The following NSD2 variants were observed in gnomAD, a reference collection of about 807,000 sequenced individuals.
The protein encoded by NSD2 is nuclear receptor binding SET domain protein 2.
NSD2 carries 12 observed loss-of-function variants against 139.0 expected under a neutral mutation model. The ratio of observed to expected loss-of-function variants is 0.09; its 90% confidence interval spans 0.06 to 0.14. The LOEUF (loss-of-function observed/expected upper bound fraction) is 0.14, where lower values mean the gene tolerates loss of function less well. Among genes scored for constraint, NSD2 ranks in the 10% least tolerant of loss-of-function variants. The pLI is 1.00. For synonymous variants in NSD2, 669 were observed against 648.7 expected (o/e 1.03, Z -0.48); for missense variants, 1,155 against 1,745.0 (o/e 0.66, Z 6.02).
intron 3 of NSD2, among the ~76,000 whole-genome samples, chr4:1,912,657 C>T (rs1025962711): frequency 1.3e-5 from 2 of 151,728 alleles, no homozygotes; most frequent in African/African-American, 2.4e-5. Flanking sequence ...GTTTGAGTCC[C>T]ATCTTCCCTT....
Position 1,974,902 on chromosome 4 carries a change from C to A in NSD2, c.3412C>A (p.Arg1138=), listed in dbSNP as rs1726909627. ...CGCTGGCCCCAAAGGAAACTACTCT[C>A]GATTTATGAATCACAGCTGCCAGCC... ...IDAGPKGNYS[R]FMNHSCQPNC... The change falls in exon 19 of 22, where the codon CGA becomes AGA. Residue 1138 remains arginine (R), a synonymous_variant. Transcript: ENST00000508803. The surrounding 1 kb of genome is among the most constrained non-coding windows in gnomAD (Gnocchi z 4.0). The A allele has an allele frequency of 1.2e-6, 2 of 1,614,126 alleles. No individual in the cohort carries two copies. Among genetic ancestry groups the A allele is most frequent in the African/African-American group, 1.3e-5 (1 of 74,928 alleles).
chr4:1,957,836 A>T (rs935018936), intron 15 of NSD2, 97 bp from the exon 16 acceptor site: 42 of 1,145,986 alleles, frequency 3.7e-5, no homozygotes, highest in Non-Finnish European at 5.0e-6. Context: ...ACTATACTTA[A>T]CATTGAAAGT....
rs1464455550 is a variant in NSD2, at chr4:1,958,773, C to T, written c.2986-698C>T. On this transcript the variant is annotated intron_variant, in intron 16 of 21. Transcript: ENST00000508803. This position sits in a 1 kb window ranked among gnomAD's most constrained non-coding sequence, Gnocchi z 4.6. ...ATTCCCAGAAACAGAATCACAGGGT[C>T]AGAGAGTATGAAATGTTTAGATTCT... 6.6e-6 allele frequency among the ~76,000 whole-genome samples: 1 copy of T among 152,224 alleles called. No homozygotes were observed. The highest frequency in any genetic ancestry group is 1.5e-5 in the Non-Finnish European group (1 of 68,050).
At chr4:1,949,766 GAAA>G (rs74623987) in intron 9 of NSD2, among the ~76,000 whole-genome samples, 5 of 105,820 alleles carry the variant, frequency 4.7e-5, no homozygotes, top group East Asian at 2.9e-4. Context: ...TCTGTCTCGA[GAAA>G]AAAAAAAAAA....
rs1469745758 is a variant in NSD2, at chr4:1,942,002, C to A, written c.1881+2224C>A. The A allele has an allele frequency of 8.9e-7, 1 of 1,129,410 alleles. No individual in the cohort carries two copies. Among genetic ancestry groups the A allele is most frequent in the Non-Finnish European group, 1.1e-6 (1 of 917,512 alleles). 70.0% of individuals were successfully genotyped at this position (1,129,410 alleles called of 1,614,324 possible). ...TGTTTGAGGTCCACACTGACACACA[C>A]CCATTGGGTCACACCCCCTTTGCAT... is the stretch of plus-strand genomic sequence containing the variant. On this transcript the variant is annotated intron_variant, in intron 9 of 21. Transcript: ENST00000508803. The surrounding 1 kb of genome is among the most constrained non-coding windows in gnomAD (Gnocchi z 4.0).
intron 5 of NSD2, chr4:1,919,327 A>C (rs1162273304): frequency 6.6e-6 from 1 of 152,224 alleles, no homozygotes; most frequent in Non-Finnish European, 1.5e-5. Flanking sequence ...GCTCATCTGT[A>C]AAGCTCATTG....
At chr4:1,878,037 T>C (rs1456331896) in intron 1 of NSD2, among the ~76,000 whole-genome samples, 1 of 151,018 alleles carries the variant, frequency 6.6e-6, no homozygotes, top group Non-Finnish European at 1.5e-5. Context: ...AAAAGAAAAA[T>C]AAAATTTAAA....
chr4:1,903,806 C>T (rs571490270), intron 2 of NSD2, among the ~76,000 whole-genome samples: 1 of 149,354 alleles, frequency 6.7e-6, no homozygotes, highest in South Asian at 2.1e-4. Context: ...GTGATCTCGG[C>T]TCACTGCAAG....
chr4:1,900,398 C>T (rs1417143000), intron 1 of NSD2, among the ~76,000 whole-genome samples: 6 of 152,086 alleles, frequency 3.9e-5, no homozygotes, highest in Non-Finnish European at 7.4e-5. Context: ...CTTTCATGTT[C>T]TTCCTTTAAA....
At position 1,951,443 on chromosome 4, in the gene NSD2, T is replaced by TCC. The variant is rs1310266241; in HGVS notation, c.2013+240_2013+241insCC. On this transcript the variant is annotated intron_variant, in intron 10 of 21. Coordinates refer to ENST00000508803, the MANE Select transcript of NSD2 (RefSeq NM_001042424.3). ...TGAGATTTGTATACACATCATGTAA[T>TCC]ACACACACACACACACACACACACA... 7.2e-3 allele frequency among the ~76,000 whole-genome samples: 725 copies of TCC among 101,076 alleles called. 187 individuals are homozygous for TCC. The highest frequency in any genetic ancestry group is 0.019 in the East Asian group (56 of 2,952). 66.3% of individuals were successfully genotyped at this position (101,076 alleles called of 152,430 possible).
At chr4:1,903,039 G>C (rs1448417736) in intron 2 of NSD2, among the ~76,000 whole-genome samples, 1 of 152,126 alleles carries the variant, frequency 6.6e-6, no homozygotes, top group Non-Finnish European at 1.5e-5. Flanking sequence ...GGGCGTGGTG[G>C]CACTGCCTGT....
intron 2 of NSD2, among the ~76,000 whole-genome samples, chr4:1,902,694 G>C (rs1046198315): frequency 6.6e-6 from 1 of 152,166 alleles, no homozygotes; most frequent in African/African-American, 2.4e-5. Context: ...CTGCATCAGA[G>C]CTGGCTTTTT....
In NSD2 at chr4:1,951,769, G is replaced by A. The variant is rs552726872; in HGVS notation, c.2014-339G>A. On this transcript the variant is annotated intron_variant, in intron 10 of 21. Transcript: ENST00000508803. ...AGTGTGAATACTGCCTGCCGTCAGCGTGGCACCTGCCATCTGGATTAGGGT... is the reference window on the plus strand; with the variant it reads ...AGTGTGAATACTGCCTGCCGTCAGCATGGCACCTGCCATCTGGATTAGGGT... Among the ~76,000 whole-genome samples, 301 of 152,338 alleles carry A rather than the reference G, an allele frequency of 2.0e-3. 1 individual carries two copies. The highest frequency in any genetic ancestry group is 3.5e-3 in the Admixed American group (53 of 15,304).
At chr4:1,975,102 G>A in intron 19 of NSD2, 98 bp downstream of exon 19, 1 of 1,571,652 alleles carries the variant, frequency 6.4e-7, no homozygotes, top group East Asian at 2.2e-5. Flanking sequence ...GGCTCTGGGG[G>A]AGGTGGGTGC....
At position 1,976,663 on chromosome 4, in the gene NSD2, T is replaced by C; in HGVS notation, c.3810T>C (p.Leu1270=). ...CCTACCACCTGTCCTGCCTGGGCCTTGGCAAGCGGCCCTTCGGTGGGTGTG... is the reference window on the plus strand; with the variant it reads ...CCTACCACCTGTCCTGCCTGGGCCTCGGCAAGCGGCCCTTCGGTGGGTGTG... ...TKAYHLSCLG[L]GKRPFGKWEC... Residue 1270 remains leucine, a synonymous_variant, in exon 21 of 22, where the codon CTT becomes CTC. Coordinates refer to ENST00000508803, the MANE Select transcript of NSD2 (RefSeq NM_001042424.3). The surrounding 1 kb of genome is among the most constrained non-coding windows in gnomAD (Gnocchi z 5.3). 6.3e-7 allele frequency: 1 copy of C among 1,588,980 alleles called. No individual in the cohort carries two copies. The highest frequency in any genetic ancestry group is 1.3e-5 in the African/African-American group (1 of 74,670).
intron 16 of NSD2, among the ~76,000 whole-genome samples, chr4:1,959,250 G>T (rs1388770187): frequency 6.6e-6 from 1 of 152,152 alleles, no homozygotes; most frequent in Non-Finnish European, 1.5e-5. Flanking sequence ...AATAATGTGA[G>T]GGGGCGTTGT....
chr4:1,904,130 A>G, intron 2 of NSD2, 86 bp from the exon 3 acceptor site: 2 of 1,458,072 alleles, frequency 1.4e-6, no homozygotes, highest in Non-Finnish European at 1.9e-6. Context: ...GTATTTGGAC[A>G]TTGTAGCCTG....
rs1003340065 is a variant in NSD2, at chr4:1,944,134, G to T, written c.1881+4356G>T. ...GGGGACATTGGGAAGGTGGGCAGGG[G>T]CAAGTGAACTCAGCACTCTGCAGTG... On this transcript the variant is annotated intron_variant, in intron 9 of 21. Transcript: ENST00000508803. 5 of 1,066,194 alleles carry T rather than the reference G, an allele frequency of 4.7e-6. No individual in the cohort carries two copies. The African/African-American group carries it at 4.9e-5, about 10-fold the overall frequency. The allele number at this position is 1,066,194 out of a possible 1,614,324, so 66.0% of individuals were successfully genotyped here. A position where few individuals can be genotyped will look rare whatever the true frequency, so the allele number is the denominator to read the frequency against.
At chr4:1,957,342 G>A (rs1265306084) in intron 15 of NSD2, among the ~76,000 whole-genome samples, 2 of 150,600 alleles carry the variant, frequency 1.3e-5, no homozygotes, top group Non-Finnish European at 3.0e-5. Context: ...GGAGTGCAAT[G>A]GTGTGATCTC....
Sources: gnomAD v4.1 joint callset for allele counts (sites outside exome capture counted in the v4.1 genomes callset) on GRCh38, gnomAD v4.1.1 for gene constraint, Gnocchi (gnomAD v3.1) non-coding constraint, MANE v1.5 for transcripts, NCBI Gene and HGNC (gene_info 2026-07-23, HGNC 2026-07-21) for gene names.